Variants in SSC4D observed in about 807,000 individuals in gnomAD.
SSC4D encodes scavenger receptor cysteine-rich domain-containing group B protein.
A neutral mutation model predicts 63.4 loss-of-function variants in SSC4D; 57 were observed. The observed-to-expected ratio is 0.90, with a 90% confidence interval of 0.73 to 1.12. The LOEUF (loss-of-function observed/expected upper bound fraction) is 1.12. Among genes scored for constraint, SSC4D ranks in the 50% most tolerant of loss-of-function variants. The pLI is 0.00. For missense variants in SSC4D, 791 were observed against 806.4 expected (o/e 0.98, Z 0.23); for synonymous variants, 352 against 345.4 (o/e 1.02, Z -0.21).
intron 6 of SSC4D, among the ~76,000 whole-genome samples, chr7:76,395,882 A>G (rs1463450392): frequency 2.0e-5 from 3 of 152,144 alleles, no homozygotes; most frequent in Non-Finnish European, 4.4e-5. Flanking sequence ...TTTAGTAGAG[A>G]TGGGGTTTCA....
rs1186798281 is a variant in SSC4D, at chr7:76,400,467, C to A, written c.294G>T (p.Gln98His). The change falls in exon 4 of 11, where the codon CAG becomes CAT. Residue 98 changes from glutamine to histidine, a missense_variant. By Grantham distance (24) the Gln-to-His change is conservative (BLOSUM62 0). Coordinates refer to ENST00000275560, the MANE Select transcript of SSC4D (RefSeq NM_080744.2). ...DVVDANVVCRQLGCGLALPVP... is the reference protein window; with the variant it reads ...DVVDANVVCRHLGCGLALPVP... ...CGGGCAGTGCCAGGCCACAGCCCAG[C>A]TGGCGACACACTACGTTGGCGTCCA... 2 of 1,608,466 alleles carry A rather than the reference C, an allele frequency of 1.2e-6. No homozygotes were observed. The highest frequency in any genetic ancestry group is 1.7e-6 in the Non-Finnish European group (2 of 1,177,244).
At chr7:76,399,965 G>A (rs183973604) in intron 4 of SSC4D, among the ~76,000 whole-genome samples, 5 of 152,206 alleles carry the variant, frequency 3.3e-5, no homozygotes, top group Non-Finnish European at 5.9e-5. Flanking sequence ...CACTCTGGTC[G>A]GGACCAAACA....
At position 76,393,457 on chromosome 7, in the gene SSC4D, G is replaced by C; in HGVS notation, c.1281C>G (p.Gly427=). The change falls in exon 9 of 11, where the codon GGC becomes GGG. Residue 427 remains glycine, a synonymous_variant. Coordinates refer to ENST00000275560, the MANE Select transcript of SSC4D (RefSeq NM_080744.2). ...EARLSDCFHL[G]WGQHNCGHHE... ...GGTGGCCGCAGTTGTGCTGGCCCCAGCCCAGGTGGAAGCAGTCGCTCAGGC... is the reference window on the plus strand; with the variant it reads ...GGTGGCCGCAGTTGTGCTGGCCCCACCCCAGGTGGAAGCAGTCGCTCAGGC... The C allele has an allele frequency of 6.5e-7, 1 of 1,540,174 alleles. No individual in the cohort carries two copies.
At chr7:76,401,111 A>AC in intron 2 of SSC4D, 68 bp from the exon 3 acceptor site, 1 of 1,469,522 alleles carries the variant, frequency 6.8e-7, no homozygotes, top group Non-Finnish European at 9.0e-7. Context: ...CCAGGAACAC[A>AC]CCCCCCAACT....
chr7:76,401,092 T>A (rs1804811928), intron 2 of SSC4D, 49 bp from the exon 3 acceptor site: 1 of 1,494,074 alleles, frequency 6.7e-7, no homozygotes, highest in South Asian at 1.3e-5. Flanking sequence ...ACACCATGGC[T>A]CCCTGGTCCC....
In SSC4D at chr7:76,390,352, C is replaced by T. The variant is rs764865180; in HGVS notation, c.1435G>A (p.Ala479Thr). The T allele has an allele frequency of 6.3e-7, 1 of 1,597,118 alleles. No individual in the cohort carries two copies. The highest frequency in any genetic ancestry group is 8.5e-7 in the Non-Finnish European group (1 of 1,170,242). Residue 479 changes from alanine (A) to threonine (T), a missense_variant, in exon 11 of 11, where the codon GCC (alanine) becomes ACC (threonine). Coordinates refer to ENST00000275560, the MANE Select transcript of SSC4D (RefSeq NM_080744.2). Reference protein sequence around the residue: ...RDGHLRLVNGAHRCEGRVELY... With the variant: ...RDGHLRLVNGTHRCEGRVELY... ...TCTACACGTCCCTCGCATCGGTGGG[C>T]TCCATTGACCAGACGTAGATGCCCT...
At position 76,409,603 on chromosome 7, in the gene SSC4D, G is replaced by C. The variant is rs1805179523; in HGVS notation, c.-256C>G. The C allele has an allele frequency of 6.6e-6, 1 of 152,384 alleles. No homozygotes were observed. The highest frequency in any genetic ancestry group is 1.5e-5 in the Non-Finnish European group (1 of 68,140). The allele number at this position is 152,384 out of a possible 1,614,324, so 9.4% of individuals were successfully genotyped here. A position where few individuals can be genotyped will look rare whatever the true frequency, so the allele number is the denominator to read the frequency against. ...AAAGTCCCTGTCCATGGAGCTGGCT[G>C]GTGGCCCCAGCCTGTCCCCATCCGA... On this transcript the variant is annotated 5_prime_UTR_variant, in exon 1 of 11. Transcript: ENST00000275560.
In SSC4D at chr7:76,395,253, C is replaced by T. The variant is rs199812860; in HGVS notation, c.946G>A (p.Ala316Thr). The T allele has an allele frequency of 1.5e-5, 25 of 1,613,764 alleles. No individual in the cohort carries two copies. The highest frequency in any genetic ancestry group is 8.9e-5 in the East Asian group (4 of 44,880). The change falls in exon 7 of 11, where the codon GCT becomes ACT. Residue 316 changes from alanine (A) to threonine (T), a missense_variant and splice_region_variant. Coordinates refer to ENST00000275560, the MANE Select transcript of SSC4D (RefSeq NM_080744.2). ...CCGCCTGGAGGGCTGAGCTCTTTACCGGACGGATCTGTCTGCCAAGCCCAG... is the reference window on the plus strand; with the variant it reads ...CCGCCTGGAGGGCTGAGCTCTTTACTGGACGGATCTGTCTGCCAAGCCCAG... ...EDWAWQTDPS[A>T]TGVGPQPSRE...
intron 1 of SSC4D, among the ~76,000 whole-genome samples, chr7:76,407,259 C>T (rs1248239084): frequency 2.6e-5 from 4 of 152,188 alleles, no homozygotes; most frequent in Non-Finnish European, 4.4e-5. Flanking sequence ...CCAGGCTTGG[C>T]CCTGATTTAA....
rs572817775 is a variant in SSC4D at position 76,393,507 on chromosome 7, C to T, written c.1231G>A (p.Val411Met). 1.3e-5 allele frequency: 20 copies of T among 1,524,886 alleles called. No homozygotes were observed. The highest frequency in any genetic ancestry group is 9.9e-5 in the African/African-American group (7 of 70,736). 94.5% of individuals were successfully genotyped at this position (1,524,886 alleles called of 1,614,324 possible). ...YGRGPVLLDN[V>M]GCAGTEARLS... ...CGAGCCTCGGTGCCGGCGCAGCCCA[C>T]GTTGTCCAGCAGCACGGGGCCGCGG... Residue 411 changes from valine to methionine, a missense_variant, in exon 9 of 11, where the codon GTG becomes ATG. By Grantham distance (21) the Val-to-Met change is conservative. Transcript: ENST00000275560.
At chr7:76,405,294 TATATATATATATATA>T (rs1563686843) in intron 1 of SSC4D, among the ~76,000 whole-genome samples, 2 of 53,108 alleles carry the variant, frequency 3.8e-5, no homozygotes, top group African/African-American at 1.6e-4. Flanking sequence ...TATATATATA[TATATATATATATATA>T]TATATATGTA....
intron 1 of SSC4D, among the ~76,000 whole-genome samples, chr7:76,405,323 T>TC (rs1804978103): frequency 6.9e-4 from 20 of 29,166 alleles, no homozygotes; most frequent in African/African-American, 1.2e-3. Flanking sequence ...ATATGTATTT[T>TC]TTTCTTTCTT....
chr7:76,406,631 G>A (rs1490031936), intron 1 of SSC4D, among the ~76,000 whole-genome samples: 2 of 151,762 alleles, frequency 1.3e-5, no homozygotes, highest in East Asian at 1.9e-4. Context: ...CTGCAGGCTT[G>A]CACCACCACA....
At chr7:76,405,344 T>C (rs1408257338) in intron 1 of SSC4D, among the ~76,000 whole-genome samples, 1 of 108,012 alleles carries the variant, frequency 9.3e-6, no homozygotes, top group Non-Finnish European at 2.0e-5. Flanking sequence ...TCTTTCTTTT[T>C]TTTTTTTTTT....
chr7:76,398,627 C>A, intron 5 of SSC4D, 93 bp downstream of exon 5: 2 of 1,387,070 alleles, frequency 1.4e-6, no homozygotes, highest in Non-Finnish European at 2.0e-6. Flanking sequence ...TTTACATCTT[C>A]AATTTGTAAT....
rs753624478 is a variant in SSC4D at position 76,393,670 on chromosome 7, G to A, written c.1068C>T (p.Arg356=). The A allele has an allele frequency of 6.0e-5, 86 of 1,438,726 alleles. 1 individual carries two copies. In the Admixed American group the frequency reaches 2.2e-3, roughly 38 times the overall value. 89.1% of individuals were successfully genotyped at this position (1,438,726 alleles called of 1,614,324 possible). The change falls in exon 9 of 11, where the codon CGC becomes CGT. Residue 356 remains arginine, a synonymous_variant. Coordinates refer to ENST00000275560, the MANE Select transcript of SSC4D (RefSeq NM_080744.2). ...LVGGPGPCRG[R]VEVLHAGGWG... ...AGCCCCCGGCGTGCAACACCTCCAC[G>A]CGGCCGCGGCACGGACCCGGGCCGC...
At position 76,398,711 on chromosome 7, in the gene SSC4D, C is replaced by T. The variant is rs990406396; in HGVS notation, c.553+9G>A. On this transcript the variant is annotated intron_variant, in intron 5 of 10. Transcript: ENST00000275560. ...AAACCCAGGTGGTGCCCACATTATG[C>T]TTACGTACTTTTTCCATTCGGCAGT... 1.9e-6 allele frequency: 3 copies of T among 1,612,738 alleles called. No homozygotes were observed. The highest frequency in any genetic ancestry group is 1.7e-6 in the Non-Finnish European group (2 of 1,178,994).
At chr7:76,407,213 G>A (rs779493012) in intron 1 of SSC4D, among the ~76,000 whole-genome samples, 25 of 152,160 alleles carry the variant, frequency 1.6e-4, no homozygotes, top group Non-Finnish European at 3.2e-4. Context: ...CACCCGCCTC[G>A]GTCTCCCAAA....
intron 10 of SSC4D, 33 bp from the exon 11 acceptor site, chr7:76,390,408 T>G: frequency 6.5e-7 from 1 of 1,545,016 alleles, no homozygotes; most frequent in Non-Finnish European, 8.7e-7. Context: ...TGGAAGGGGC[T>G]GGTCCATGCC....
Sources: allele counts gnomAD v4.1 joint callset (sites outside exome capture counted in the v4.1 genomes callset), GRCh38; gene constraint gnomAD v4.1.1; transcripts MANE v1.5; gene names NCBI Gene and HGNC (gene_info 2026-07-23, HGNC 2026-07-21).